The following FAM227A variants were observed in gnomAD, a reference collection of about 807,000 sequenced individuals.
The protein encoded by FAM227A is family with sequence similarity 227 member A.
Under a neutral mutation model 74.7 loss-of-function variants are expected in FAM227A, and 80 were observed. The observed-to-expected ratio is 1.07, with a 90% confidence interval of 0.89 to 1.29. The LOEUF (loss-of-function observed/expected upper bound fraction) is 1.29, where lower values mean the gene tolerates loss of function less well. FAM227A is among the 50% of genes most tolerant of loss of function. The probability of loss-of-function intolerance (pLI) is 0.00; values close to 1 mark genes in which losing one functional copy is unlikely to be tolerated. For missense variants in FAM227A, 654 were observed against 683.4 expected (o/e 0.96, Z 0.48); for synonymous variants, 237 against 241.8 (o/e 0.98, Z 0.19).
rs188527078 is a variant in FAM227A at position 38,632,007 on chromosome 22, C to T, written c.520-3072G>A. On this transcript the variant is annotated intron_variant, in intron 6 of 16. Transcript: ENST00000535113. ...CGGTAGTTAAATCTTCCTAAGAGTG[C>T]GCAGAGGTAGAGATGAGGGTAAGGG... is the stretch of plus-strand genomic sequence containing the variant. 2.6e-3 allele frequency among the ~76,000 whole-genome samples: 388 copies of T among 152,094 alleles called. 5 individuals carry two copies. Among genetic ancestry groups the T allele is most frequent in the African/African-American group, 9.2e-3 (383 of 41,462 alleles).
intron 11 of FAM227A, among the ~76,000 whole-genome samples, chr22:38,609,416 G>A (rs1186094354): frequency 6.6e-6 from 1 of 152,230 alleles, no homozygotes; most frequent in Non-Finnish European, 1.5e-5. Context: ...CAAGTGGTAT[G>A]AGGAGAGTAT....
chr22:38,601,263 G>A (rs998130961), intron 13 of FAM227A, among the ~76,000 whole-genome samples: 2 of 152,078 alleles, frequency 1.3e-5, no homozygotes, highest in African/African-American at 4.8e-5. Flanking sequence ...GGGTTCCATG[G>A]CGTGATCAGG....
chr22:38,600,915 G>A (rs1401000413), intron 13 of FAM227A, among the ~76,000 whole-genome samples: 5 of 150,392 alleles, frequency 3.3e-5, no homozygotes, highest in Non-Finnish European at 7.4e-5. Context: ...TTGCACCATT[G>A]CGCTCCAGCC....
At chr22:38,628,734 T>C in intron 7 of FAM227A, 100 bp downstream of exon 7, 1 of 760,894 alleles carries the variant, frequency 1.3e-6, no homozygotes, top group Non-Finnish European at 2.2e-6. Context: ...GGGTGCTCCA[T>C]GGGATCAGAG....
Position 38,588,493 on chromosome 22 carries a change from C to T in FAM227A, c.1639-2294G>A, listed in dbSNP as rs544459636. Among the ~76,000 whole-genome samples the T allele has an allele frequency of 1.3e-3, 199 of 151,164 alleles. 2 individuals are homozygous for T. The highest frequency in any genetic ancestry group is 5.2e-3 in the Admixed American group (79 of 15,118). On this transcript the variant is annotated intron_variant, in intron 16 of 16. Transcript: ENST00000535113. The stretch of plus-strand genomic sequence containing the variant: ...AATTAGCCGGGCGTGGTGGTGCACA[C>T]CTGTAGTCCCAGCTACTCAGGAGGC...
chr22:38,612,370 G>A (rs991361112), intron 11 of FAM227A, among the ~76,000 whole-genome samples: 1 of 152,056 alleles, frequency 6.6e-6, no homozygotes, highest in African/African-American at 2.4e-5. Flanking sequence ...GTACAGTATT[G>A]GCCTTCTCTG....
At chr22:38,651,424 A>G (rs770622668) in intron 1 of FAM227A, among the ~76,000 whole-genome samples, 55 of 152,120 alleles carry the variant, frequency 3.6e-4, no homozygotes, top group Non-Finnish European at 7.2e-4. Context: ...TCCAGACTGG[A>G]GTGCAGTGGC....
At chr22:38,652,013 G>A (rs1035806948) in intron 1 of FAM227A, among the ~76,000 whole-genome samples, 1 of 149,896 alleles carries the variant, frequency 6.7e-6, no homozygotes. Context: ...GTGGTGAAAC[G>A]CCATCTCTAC....
Position 38,607,448 on chromosome 22 carries a change from T to C in FAM227A, c.1067A>G (p.Lys356Arg). The C allele has an allele frequency of 6.4e-7, 1 of 1,551,412 alleles. No homozygotes were observed. ...QSSSANSPSE[K>R]TSSAKQNSEK... ...TGAGTTCTGCTTGGCCGAAGAGGTT[T>C]TTTCACTGGGTGAATTTGCACTAGA... is the stretch of plus-strand genomic sequence containing the variant. The change falls in exon 12 of 17, where the codon AAA becomes AGA. Residue 356 changes from lysine to arginine, a missense_variant. Transcript: ENST00000535113.
intron 11 of FAM227A, among the ~76,000 whole-genome samples, chr22:38,619,513 G>A (rs540693944): frequency 2.0e-5 from 3 of 152,046 alleles, no homozygotes; most frequent in African/African-American, 2.4e-5. Flanking sequence ...TAGTAGAGAC[G>A]AGGTTTCACC....
chr22:38,636,224 T>C (rs1022246555), intron 6 of FAM227A, among the ~76,000 whole-genome samples: 4 of 152,172 alleles, frequency 2.6e-5, no homozygotes, highest in African/African-American at 9.7e-5. Flanking sequence ...GTGATAAAAA[T>C]TGCACACCAG....
At chr22:38,631,744 G>A (rs954152361) in intron 6 of FAM227A, among the ~76,000 whole-genome samples, 1 of 151,874 alleles carries the variant, frequency 6.6e-6, no homozygotes, top group Non-Finnish European at 1.5e-5. Context: ...GACTGGGAGC[G>A]GTTCTGAAAC....
chr22:38,639,504 G>A (rs1283981567), intron 4 of FAM227A, 151 bp downstream of exon 4: 7 of 771,276 alleles, frequency 9.1e-6, no homozygotes, highest in Non-Finnish European at 1.6e-5. Flanking sequence ...CTCCTTCCTT[G>A]CCCAATGTCA....
chr22:38,655,295 C>A (rs6001183), intron 1 of FAM227A, among the ~76,000 whole-genome samples: 5 of 151,774 alleles, frequency 3.3e-5, no homozygotes, highest in Admixed American at 6.6e-5. Flanking sequence ...TTTGGGAGGC[C>A]GAGTCAAGCA....
chr22:38,656,004 AC>A (rs1445808796), intron 1 of FAM227A, 115 bp downstream of exon 1: 1 of 152,250 alleles, frequency 6.6e-6, no homozygotes, highest in African/African-American at 2.4e-5. Flanking sequence ...TCACAATGCA[AC>A]CTTTAAGTAG....
chr22:38,635,895 G>A (rs1265709356), intron 6 of FAM227A, among the ~76,000 whole-genome samples: 1 of 152,032 alleles, frequency 6.6e-6, no homozygotes, highest in Non-Finnish European at 1.5e-5. Context: ...GGAGGTTGAG[G>A]CGGGAGGATC....
intron 10 of FAM227A, among the ~76,000 whole-genome samples, chr22:38,620,627 C>A (rs753367851): frequency 1.0e-3 from 154 of 151,768 alleles, no homozygotes; most frequent in Non-Finnish European, 1.6e-3. Flanking sequence ...CACGGTGAAA[C>A]CCTGTCTCTA....
rs989451487 is a variant in FAM227A at position 38,578,474 on chromosome 22, T to G, written c.*7651A>C. On this transcript the variant is annotated 3_prime_UTR_variant, in exon 17 of 17. Transcript: ENST00000535113. ...AAACTTTTTAACTTCAGCACATAGG[T>G]GTCCAAGAGAGGCTTGCTATGACAG... 6.6e-6 allele frequency: 1 copy of G among 152,222 alleles called. No individual in the cohort carries two copies. Among genetic ancestry groups the G allele is most frequent in the African/African-American group, 2.4e-5 (1 of 41,460 alleles). The allele number at this position is 152,222 out of a possible 1,614,324, so 9.4% of individuals were successfully genotyped here.
At position 38,582,284 on chromosome 22, in the gene FAM227A, TTCA is replaced by T. The variant is rs945814416; in HGVS notation, c.*3838_*3840del. 31 of 1,477,966 alleles carry T rather than the reference TTCA, an allele frequency of 2.1e-5. No individual in the cohort carries two copies. The highest frequency in any genetic ancestry group is 9.9e-5 in the East Asian group (4 of 40,562). The allele number at this position is 1,477,966 out of a possible 1,614,324, so 91.6% of individuals were successfully genotyped here. A position where few individuals can be genotyped will look rare whatever the true frequency, so the allele number is the denominator to read the frequency against. On this transcript the variant is annotated 3_prime_UTR_variant, in exon 17 of 17. Coordinates refer to ENST00000535113, the MANE Select transcript of FAM227A (RefSeq NM_001013647.2). Reference sequence around the variant, plus strand: ...AAACTGTATGTTCTAAAACATACATTTCATCATCAATTCATAAGCAATTCAAAA... The same window carrying T: ...AAACTGTATGTTCTAAAACATACATTTCATCAATTCATAAGCAATTCAAAA...
Sources: gnomAD v4.1 joint callset for allele counts (sites outside exome capture counted in the v4.1 genomes callset) on GRCh38, gnomAD v4.1.1 for gene constraint, MANE v1.5 for transcripts, NCBI Gene and HGNC (gene_info 2026-07-23, HGNC 2026-07-21) for gene names.